The following MALRD1 variants were observed in gnomAD, a reference collection of about 807,000 sequenced individuals.
MALRD1 encodes MAM and LDL-receptor class A domain-containing protein 1.
A neutral mutation model predicts 242.1 loss-of-function variants in MALRD1; 247 were observed. The observed-to-expected ratio is 1.02, with a 90% CI of 0.92 to 1.13. The LOEUF is 1.13. Ranked by LOEUF, MALRD1 falls within the 50% of genes most tolerant of loss-of-function variation. The probability of loss-of-function intolerance (pLI) is 0.00; values close to 1 mark genes in which losing one functional copy is unlikely to be tolerated. For missense variants in MALRD1, 2,989 were observed against 2,533.1 expected, an observed-to-expected ratio of 1.18 and a Z score of -3.86; for synonymous variants, 995 against 866.6, an observed-to-expected ratio of 1.15 and a Z score of -2.60.
chr10:19,347,957 A>G lies in MALRD1; in HGVS notation c.4088A>G (p.Gln1363Arg), dbSNP rs1285924872. The G allele has an allele frequency of 1.3e-6, 2 of 1,550,436 alleles. No homozygotes were observed. The highest frequency in any genetic ancestry group is 1.7e-6 in the Non-Finnish European group (2 of 1,146,846). The change falls in exon 25 of 40, where the codon CAG becomes CGG. Residue 1363 changes from glutamine to arginine, a missense_variant. By Grantham distance (43) the Gln-to-Arg change is conservative (BLOSUM62 1). Transcript: ENST00000454679. ...YIFIKSLFPQ[Q>R]PMRAARISSP... ...TTTATAAAGAGTTTGTTTCCTCAGCAGCCCATGAGAGCTGCCAGAATTTCA... is the reference window on the plus strand; with the variant it reads ...TTTATAAAGAGTTTGTTTCCTCAGCGGCCCATGAGAGCTGCCAGAATTTCA...
At chr10:19,448,388 G>T (rs1835121612) in intron 28 of MALRD1, among the ~76,000 whole-genome samples, 1 of 151,956 alleles carries the variant, frequency 6.6e-6, no homozygotes, top group Admixed American at 6.6e-5. Context: ...CCAGGACCAA[G>T]GAATATTAAC....
At chr10:19,316,680 A>G (rs942597518) in intron 21 of MALRD1, among the ~76,000 whole-genome samples, 4 of 151,780 alleles carry the variant, frequency 2.6e-5, no homozygotes, top group Non-Finnish European at 5.9e-5. Context: ...GGAAACTATG[A>G]GAAGTCTAGT....
chr10:19,262,803 C>A lies in MALRD1; in HGVS notation c.3079+5032C>A, dbSNP rs564206353. Among the ~76,000 whole-genome samples the A allele has an allele frequency of 8.5e-5, 13 of 152,232 alleles. No individual in the cohort carries two copies. In the East Asian group the frequency reaches 2.3e-3, roughly 27 times the overall value. The stretch of plus-strand genomic sequence containing the variant: ...ACCAACATATCTCCATTTCTTTCAT[C>A]CCTCGACCTCTGCTAACTACCTCTG... On this transcript the variant is annotated intron_variant, in intron 19 of 39. Coordinates refer to ENST00000454679, the MANE Select transcript of MALRD1 (RefSeq NM_001142308.3).
intron 11 of MALRD1, among the ~76,000 whole-genome samples, chr10:19,152,454 T>C (rs894106627): frequency 1.3e-5 from 2 of 152,046 alleles, no homozygotes; most frequent in African/African-American, 4.8e-5. Context: ...CTATTATCTT[T>C]CCATCTAGAA....
intron 32 of MALRD1, among the ~76,000 whole-genome samples, chr10:19,558,015 A>G (rs894887541): frequency 6.6e-6 from 1 of 152,032 alleles, no homozygotes; most frequent in Non-Finnish European, 1.5e-5. Context: ...TGGTGCTAAT[A>G]TAAATTTTAT....
At chr10:19,212,697 TTATTCCCATCA>T (rs1183517046) in intron 18 of MALRD1, among the ~76,000 whole-genome samples, 3 of 151,754 alleles carry the variant, frequency 2.0e-5, no homozygotes, top group Non-Finnish European at 4.4e-5. Flanking sequence ...CACTATTTTT[TTATTCCCATCA>T]GCAGTGTATG....
At chr10:19,692,770 G>C (rs1333511375) in intron 38 of MALRD1, among the ~76,000 whole-genome samples, 6 of 143,390 alleles carry the variant, frequency 4.2e-5, no homozygotes, top group African/African-American at 1.6e-4. Context: ...TTACTTTTCA[G>C]ATTATATTAG....
intron 38 of MALRD1, among the ~76,000 whole-genome samples, chr10:19,726,269 A>G (rs1835020599): frequency 1.3e-5 from 2 of 152,170 alleles, no homozygotes; most frequent in South Asian, 4.1e-4. Flanking sequence ...AGACAACCCA[A>G]TTTCAAAATG....
At chr10:19,132,487 G>A (rs968995159) in intron 8 of MALRD1, among the ~76,000 whole-genome samples, 4 of 152,168 alleles carry the variant, frequency 2.6e-5, no homozygotes, top group Admixed American at 1.3e-4. Flanking sequence ...TTAGGTCTTC[G>A]AAATTTGGAG....
intron 38 of MALRD1, among the ~76,000 whole-genome samples, chr10:19,719,169 TACATAC>T (rs1345557401): frequency 2.5e-5 from 2 of 81,582 alleles, no homozygotes; most frequent in African/African-American, 1.4e-4. Context: ...TATATATATA[TACATAC>T]ATATATATAT....
At chr10:19,372,467 A>AT (rs1345758193) in intron 26 of MALRD1, among the ~76,000 whole-genome samples, 4 of 151,780 alleles carry the variant, frequency 2.6e-5, no homozygotes, top group East Asian at 1.9e-4. Flanking sequence ...TTGAAATAAT[A>AT]TTTAATTTTT....
At chr10:19,590,925 A>C (rs1837745839) in intron 33 of MALRD1, among the ~76,000 whole-genome samples, 1 of 152,206 alleles carries the variant, frequency 6.6e-6, no homozygotes. Context: ...GTATACATTA[A>C]GTTTCACTCT....
chr10:19,242,440 G>A lies in MALRD1; in HGVS notation c.2992-15244G>A, dbSNP rs1838832977. ...CTTCTTTACCTGCTAGGTCCATTTG[G>A]TCTATGGTATAGTTTGAGTCTGTCA... On this transcript the variant is annotated intron_variant, in intron 18 of 39. Coordinates refer to ENST00000454679, the MANE Select transcript of MALRD1 (RefSeq NM_001142308.3). 1.3e-5 allele frequency among the ~76,000 whole-genome samples: 2 copies of A among 152,014 alleles called. 1 individual carries two copies. The highest frequency in any genetic ancestry group is 2.9e-5 in the Non-Finnish European group (2 of 67,986).
chr10:19,047,378 G>A (rs896806637), upstream of MALRD1, among the ~76,000 whole-genome samples: 1 of 151,566 alleles, frequency 6.6e-6, no homozygotes, highest in African/African-American at 2.4e-5. Context: ...GTGTGTGTGT[G>A]TGTGTGTCTG....
chr10:19,269,046 T>A (rs1840084705), intron 19 of MALRD1, among the ~76,000 whole-genome samples: 1 of 152,230 alleles, frequency 6.6e-6, no homozygotes, highest in African/African-American at 2.4e-5. Context: ...TTTTCAATTT[T>A]TGTTTCATCG....
chr10:19,047,431 T>C (rs1006801685), upstream of MALRD1, among the ~76,000 whole-genome samples: 8 of 150,738 alleles, frequency 5.3e-5, no homozygotes, highest in African/African-American at 1.7e-4. Flanking sequence ...GTAGAAGAGA[T>C]TGAGGAAACA....
chr10:19,064,031 G>C (rs1218899448), intron 1 of MALRD1, among the ~76,000 whole-genome samples: 1 of 151,920 alleles, frequency 6.6e-6, no homozygotes, highest in Non-Finnish European at 1.5e-5. Flanking sequence ...GAATTCTTTA[G>C]GGGTTCTATA....
At chr10:19,690,911 T>C (rs770763014) in intron 36 of MALRD1, among the ~76,000 whole-genome samples, 1 of 152,048 alleles carries the variant, frequency 6.6e-6, no homozygotes, top group Non-Finnish European at 1.5e-5. Flanking sequence ...AAGACAGTTT[T>C]CCACTAAAAT....
intron 33 of MALRD1, among the ~76,000 whole-genome samples, chr10:19,569,310 C>A (rs998959806): frequency 6.6e-6 from 1 of 152,004 alleles, no homozygotes; most frequent in African/African-American, 2.4e-5. Flanking sequence ...CAGCAATTCT[C>A]AAATTCTCCC....
Sources: gnomAD v4.1 joint callset for allele counts (sites outside exome capture counted in the v4.1 genomes callset) on GRCh38, gnomAD v4.1.1 for gene constraint, MANE v1.5 for transcripts, NCBI Gene and HGNC (gene_info 2026-07-23, HGNC 2026-07-21) for gene names.